LIPH: variants seen among roughly 807,000 people sequenced by gnomAD.
The protein encoded by LIPH is lipase H.
A neutral mutation model predicts 47.6 loss-of-function variants in LIPH; 32 were observed. That is an observed-to-expected ratio of 0.67 (90% CI 0.51 to 0.90). LIPH has a LOEUF of 0.90. LIPH is among the 40% of genes least tolerant of loss of function. The pLI, the probability that LIPH is intolerant of heterozygous loss-of-function variation, is 0.00. For synonymous variants in LIPH, 190 were observed against 195.6 expected (o/e 0.97, Z 0.24); for missense variants, 497 against 541.4 (o/e 0.92, Z 0.81).
chr3:185,533,315 C>T (rs1285973149), intron 3 of LIPH, among the ~76,000 whole-genome samples: 1 of 152,094 alleles, frequency 6.6e-6, no homozygotes, highest in African/African-American at 2.4e-5. Context: ...TTTTTCCAGC[C>T]ATAATAGAAA....
chr3:185,514,720 G>C (rs1719673047), intron 7 of LIPH, among the ~76,000 whole-genome samples, 199 bp from the exon 8 acceptor site: 2 of 152,190 alleles, frequency 1.3e-5, no homozygotes, highest in Non-Finnish European at 2.9e-5. Context: ...AGTGATAGCA[G>C]AGTTCATTGG....
At chr3:185,512,335 G>A (rs1279350555) in intron 8 of LIPH, among the ~76,000 whole-genome samples, 1 of 152,108 alleles carries the variant, frequency 6.6e-6, no homozygotes, top group African/African-American at 2.4e-5. Context: ...TGTTATCCAA[G>A]TGTATAGAGA....
intron 8 of LIPH, among the ~76,000 whole-genome samples, chr3:185,512,408 C>G (rs12233623): frequency 0.42 from 63,244 of 151,290 alleles, 13,365 homozygotes; most frequent in Middle Eastern, 0.48. Flanking sequence ...GTTCAGCTCA[C>G]TCACTGTCTT....
chr3:185,513,327 A>C (rs1719628969), intron 8 of LIPH, among the ~76,000 whole-genome samples: 1 of 144,620 alleles, frequency 6.9e-6, no homozygotes, highest in Non-Finnish European at 1.5e-5. Context: ...TGACAGGGCA[A>C]GGCTCTGTCT....
chr3:185,535,895 G>T (rs1720490048), intron 1 of LIPH, among the ~76,000 whole-genome samples: 1 of 152,164 alleles, frequency 6.6e-6, no homozygotes, highest in Admixed American at 6.5e-5. Context: ...GAGCCACCGT[G>T]CCCGGCCAAC....
rs374219563 is a variant in LIPH, at chr3:185,520,386, G to A, written c.719-1077C>T. 4.6e-5 allele frequency among the ~76,000 whole-genome samples: 7 copies of A among 151,930 alleles called. No homozygotes were observed. The East Asian group carries it at 1.2e-3, about 25-fold the overall frequency. On this transcript the variant is annotated intron_variant, in intron 5 of 9. Coordinates refer to ENST00000296252, the MANE Select transcript of LIPH (RefSeq NM_139248.3). The stretch of plus-strand genomic sequence containing the variant: ...ATACAAAAATTAGCCGGGCATGGTG[G>A]CGCGCCTGTAATCCCAGCTACTTGG...
rs1315409277 is a variant in LIPH at position 185,524,157 on chromosome 3, A to G, written c.632T>C (p.Leu211Pro). 1.3e-6 allele frequency: 2 copies of G among 1,596,188 alleles called. No homozygotes were observed. Among genetic ancestry groups the G allele is most frequent in the South Asian group, 1.1e-5 (1 of 90,742 alleles). ...VDVIHSDTDA[L>P]GYKEPLGNID... ...GTTTCCTAATGGCTCCTTGTAGCCC[A>G]GTGCTAAAAGAGAACACATTCTGCT... Residue 211 changes from leucine (L) to proline (P), a missense_variant, in exon 5 of 10, where the codon CTG becomes CCG. Physicochemically the swap from Leu to Pro is moderately conservative, Grantham distance 98. Coordinates refer to ENST00000296252, the MANE Select transcript of LIPH (RefSeq NM_139248.3).
intron 1 of LIPH, among the ~76,000 whole-genome samples, chr3:185,544,253 CA>C (rs1488277072): frequency 1.3e-5 from 2 of 152,100 alleles, no homozygotes; most frequent in Non-Finnish European, 2.9e-5. Flanking sequence ...GGCTTTGAAC[CA>C]TACTCTTTCC....
intron 5 of LIPH, among the ~76,000 whole-genome samples, chr3:185,523,085 C>T (rs901302661): frequency 2.6e-5 from 4 of 152,070 alleles, no homozygotes; most frequent in Admixed American, 2.6e-4. Flanking sequence ...TTTTTGTAAG[C>T]TGGCCATTTA....
chr3:185,518,681 A>T (rs979397226), intron 6 of LIPH, among the ~76,000 whole-genome samples: 17 of 151,658 alleles, frequency 1.1e-4, no homozygotes, highest in Admixed American at 2.0e-4. Context: ...TATTTTTAAA[A>T]TTTTTTTCTT....
chr3:185,538,748 C>CAT (rs1460921840), intron 1 of LIPH, among the ~76,000 whole-genome samples: 3 of 140,846 alleles, frequency 2.1e-5, no homozygotes, highest in East Asian at 2.1e-4. Flanking sequence ...CATATATGTA[C>CAT]ATATATATAC....
At position 185,524,064 on chromosome 3, in the gene LIPH, G is replaced by A; in HGVS notation, c.718+7C>T. The A allele has an allele frequency of 6.2e-7, 1 of 1,601,426 alleles. No individual in the cohort carries two copies. On this transcript the variant is annotated splice_region_variant and intron_variant, in intron 5 of 9. Transcript: ENST00000296252. ...ATACCACTATTTTACAAAATATAAAGGCTTACCTCCCAATATTGTTTTGGG... is the reference window on the plus strand; with the variant it reads ...ATACCACTATTTTACAAAATATAAAAGCTTACCTCCCAATATTGTTTTGGG...
chr3:185,510,001 C>T (rs1719508425), intron 9 of LIPH, among the ~76,000 whole-genome samples: 1 of 145,660 alleles, frequency 6.9e-6, no homozygotes, highest in Non-Finnish European at 1.5e-5. Context: ...GGCTGGAGTG[C>T]AGTGGTACGA....
chr3:185,527,577 G>C lies in LIPH; in HGVS notation c.535C>G (p.Pro179Ala), dbSNP rs766041291. 3 of 1,609,234 alleles carry C rather than the reference G, an allele frequency of 1.9e-6. No individual in the cohort carries two copies. In the South Asian group the frequency reaches 3.3e-5, roughly 18 times the overall value. ...TTCCCGTTGAATAAAGGGCCTGCAG[G>C]GTCGAGGCCTGGAAGGAAAACAGAG... ...GWLGRITGLD[P>A]AGPLFNGKPH... The change falls in exon 4 of 10, where the codon CCT (proline) becomes GCT (alanine). Residue 179 changes from proline (P) to alanine (A), a missense_variant. Coordinates refer to ENST00000296252, the MANE Select transcript of LIPH (RefSeq NM_139248.3).
chr3:185,517,640 T>C (rs56372776), intron 6 of LIPH, among the ~76,000 whole-genome samples: 14,457 of 152,116 alleles, frequency 0.095, 1,258 homozygotes, highest in African/African-American at 0.24. Flanking sequence ...TGTCCTCCTT[T>C]GTTTTTGCTG....
At chr3:185,544,131 T>G (rs1720796789) in intron 1 of LIPH, among the ~76,000 whole-genome samples, 1 of 151,946 alleles carries the variant, frequency 6.6e-6, no homozygotes, top group South Asian at 2.1e-4. Context: ...GATTACAAGC[T>G]TGAGCCAGCA....
In LIPH at chr3:185,538,587, A is replaced by G. The variant is rs562344142; in HGVS notation, c.50-3455T>C. Among the ~76,000 whole-genome samples the G allele has an allele frequency of 3.9e-5, 6 of 152,226 alleles. No homozygotes were observed. The South Asian group carries it at 6.2e-4, about 16-fold the overall frequency. ...ACAGTTGGGCAAATTCAAGTTACCCAAACTATTAAGCTTTATTTTTGTAGA... is the reference window on the plus strand; with the variant it reads ...ACAGTTGGGCAAATTCAAGTTACCCGAACTATTAAGCTTTATTTTTGTAGA... On this transcript the variant is annotated intron_variant, in intron 1 of 9. Transcript: ENST00000296252.
chr3:185,506,678 A>G lies in LIPH; in HGVS notation c.*2112T>C, dbSNP rs1314135868. On this transcript the variant is annotated 3_prime_UTR_variant, in exon 10 of 10. Transcript: ENST00000296252. The stretch of plus-strand genomic sequence containing the variant: ...GTGAAACCAGGTCTCTACTAAAAAT[A>G]CAAAAATTAGCCAGGCATGGTGGGG... 6.6e-6 allele frequency: 1 copy of G among 152,094 alleles called. No individual in the cohort carries two copies. The highest frequency in any genetic ancestry group is 1.5e-5 in the Non-Finnish European group (1 of 68,044). The allele number at this position is 152,094 out of a possible 1,614,324, so 9.4% of individuals were successfully genotyped here. A position where few individuals can be genotyped will look rare whatever the true frequency, so the allele number is the denominator to read the frequency against.
chr3:185,533,111 T>C (rs1720384756), intron 3 of LIPH, among the ~76,000 whole-genome samples: 1 of 152,152 alleles, frequency 6.6e-6, no homozygotes, highest in South Asian at 2.1e-4. Context: ...AAGGTTTTCA[T>C]TCAGTGTTGG....
Sources: allele counts gnomAD v4.1 joint callset (sites outside exome capture counted in the v4.1 genomes callset), GRCh38; gene constraint gnomAD v4.1.1; transcripts MANE v1.5; gene names NCBI Gene and HGNC (gene_info 2026-07-23, HGNC 2026-07-21).